The following CATSPERT variants were observed in gnomAD, a reference collection of about 807,000 sequenced individuals.
CATSPERT encodes cation channel sperm-associated targeting subunit tau.
At chr2:201,535,189 T>G in the CATSPERT span, 1 of 984,784 alleles carries the variant, frequency 1.0e-6, no homozygotes, top group Non-Finnish European at 1.2e-6. Flanking sequence ...GGAGAGAATT[T>G]AGAAATGACC....
At chr2:201,603,133 A>C in the CATSPERT span, 1 of 1,177,148 alleles carries the variant, frequency 8.5e-7, no homozygotes, top group South Asian at 1.4e-5. Flanking sequence ...GTGTTAAGCC[A>C]CTAAGTTTTG....
At chr2:201,507,157 CAG>C in the CATSPERT span, among the ~76,000 whole-genome samples, 34 of 152,252 alleles carry the variant, frequency 2.2e-4, no homozygotes, top group South Asian at 7.0e-3. Flanking sequence ...TTAAGAATAA[CAG>C]AGTTTAGCAA....
At chr2:201,590,235 G>A in the CATSPERT span, among the ~76,000 whole-genome samples, 21 of 151,552 alleles carry the variant, frequency 1.4e-4, no homozygotes, top group African/African-American at 1.2e-4. Flanking sequence ...AATATGTGGC[G>A]TTTGGTTTTT....
the CATSPERT span, among the ~76,000 whole-genome samples, chr2:201,495,739 G>T: frequency 7.4e-6 from 1 of 135,032 alleles, no homozygotes; most frequent in Non-Finnish European, 1.5e-5. Flanking sequence ...TTTCCAAGTT[G>T]AGATTCATTA....
At chr2:201,565,815 A>G in the CATSPERT span, 1 of 1,612,194 alleles carries the variant, frequency 6.2e-7, no homozygotes, top group Non-Finnish European at 8.5e-7. Context: ...CAACAGTAAC[A>G]TTCAGGTCTG....
chr2:201,557,050 T>C, the CATSPERT span: 5 of 152,092 alleles, frequency 3.3e-5, no homozygotes, highest in Non-Finnish European at 7.4e-5. Flanking sequence ...CTAATATACA[T>C]TTACTAGGCC....
At chr2:201,599,938 C>G in the CATSPERT span, among the ~76,000 whole-genome samples, 1 of 152,152 alleles carries the variant, frequency 6.6e-6, no homozygotes, top group Non-Finnish European at 1.5e-5. Context: ...TCCAGCAAAA[C>G]TATTCCTTGT....
At chr2:201,516,930 CTT>C in the CATSPERT span, among the ~76,000 whole-genome samples, 584 of 135,422 alleles carry the variant, frequency 4.3e-3, 1 homozygote, top group Non-Finnish European at 4.7e-3. Context: ...AATAGGAAGG[CTT>C]TTTTTTTTTT....
chr2:201,577,550 T>C, the CATSPERT span, among the ~76,000 whole-genome samples: 4 of 152,344 alleles, frequency 2.6e-5, no homozygotes, highest in East Asian at 1.9e-4. Context: ...TGGAATACTA[T>C]GCAGCTTTAA....
chr2:201,606,122 G>A, the CATSPERT span, among the ~76,000 whole-genome samples: 1 of 152,094 alleles, frequency 6.6e-6, no homozygotes, highest in Non-Finnish European at 1.5e-5. Context: ...AACAATGGAG[G>A]AAAAACGAAT....
the CATSPERT span, among the ~76,000 whole-genome samples, chr2:201,532,220 C>G: frequency 6.6e-6 from 1 of 152,198 alleles, no homozygotes; most frequent in South Asian, 2.1e-4. Flanking sequence ...ATAAACTCCA[C>G]AAGAACATTT....
At chr2:201,500,358 C>T in the CATSPERT span, among the ~76,000 whole-genome samples, 2 of 151,864 alleles carry the variant, frequency 1.3e-5, no homozygotes, top group East Asian at 1.9e-4. Context: ...ACTAAAAATA[C>T]AAAAAATTAG....
the CATSPERT span, among the ~76,000 whole-genome samples, chr2:201,531,062 G>A: frequency 6.8e-6 from 1 of 147,166 alleles, no homozygotes; most frequent in African/African-American, 2.5e-5. Flanking sequence ...CCTGGTTCAC[G>A]CCATTCTCCT....
the CATSPERT span, among the ~76,000 whole-genome samples, chr2:201,609,128 A>T: frequency 0.87 from 133,066 of 152,182 alleles, 59,258 homozygotes; most frequent in South Asian, 0.98. Context: ...AATGTGTCAA[A>T]TCAGCAAGAG....
chr2:201,555,802 A>G, the CATSPERT span: 1 of 152,278 alleles, frequency 6.6e-6, no homozygotes, highest in Admixed American at 6.5e-5. Context: ...CATCAACCTA[A>G]TCAGAGAACT....
chr2:201,519,635 G>A, the CATSPERT span, among the ~76,000 whole-genome samples: 3 of 151,958 alleles, frequency 2.0e-5, no homozygotes, highest in East Asian at 5.8e-4. Flanking sequence ...TGATTTGAAT[G>A]AGTACTTCAA....
chr2:201,616,214 A>C, the CATSPERT span, among the ~76,000 whole-genome samples: 1 of 152,258 alleles, frequency 6.6e-6, no homozygotes, highest in East Asian at 1.9e-4. Context: ...TTATGAGGCC[A>C]ACATCATTCT....
At chr2:201,509,527 T>G in the CATSPERT span, among the ~76,000 whole-genome samples, 1,509 of 150,964 alleles carry the variant, frequency 1.0e-2, 136 homozygotes, top group African/African-American at 0.036. Flanking sequence ...CTCTGAAACT[T>G]AGACCCCTCA....
chr2:201,612,874 C>T, the CATSPERT span, among the ~76,000 whole-genome samples: 1 of 152,206 alleles, frequency 6.6e-6, no homozygotes, highest in Non-Finnish European at 1.5e-5. Context: ...TTTCCAATGG[C>T]CTTAGCAAAC....
Sources: gnomAD v4.1 joint callset for allele counts (sites outside exome capture counted in the v4.1 genomes callset) on GRCh38, gnomAD v4.1.1 for gene constraint, MANE v1.5 for transcripts, NCBI Gene and HGNC (gene_info 2026-07-23, HGNC 2026-07-21) for gene names.